Variants in RAB7A observed in about 807,000 individuals in gnomAD.
RAB7A encodes the protein RAB7A, member RAS oncogene family, also known as ras-related protein Rab-7a.
RAB7A carries 2 observed loss-of-function variants against 24.5 expected under a neutral mutation model. That is an observed-to-expected ratio of 0.08 (90% CI 0.03 to 0.26). RAB7A has a LOEUF of 0.26. Ranked by LOEUF, RAB7A falls within the 10% of genes least tolerant of loss-of-function variation. The pLI is 1.00. For synonymous variants in RAB7A, 100 were observed against 95.9 expected, an observed-to-expected ratio of 1.04 and a Z score of -0.25; for missense variants, 118 against 255.7, an observed-to-expected ratio of 0.46 and a Z score of 3.67.
chr3:128,763,208 A>ATATATATATATTTT (rs373993932), intron 1 of RAB7A, among the ~76,000 whole-genome samples: 11 of 76,054 alleles, frequency 1.4e-4, no homozygotes, highest in African/African-American at 8.2e-4. Flanking sequence ...ATATATATAT[A>ATATATATATATTTT]TTTTTTTTTT....
intron 1 of RAB7A, chr3:128,748,709 T>C (rs1029007510): frequency 2.6e-5 from 4 of 152,316 alleles, no homozygotes; most frequent in African/African-American, 9.6e-5. Context: ...CTGGTCGTTA[T>C]TGACTCATGG....
chr3:128,769,219 A>G (rs575108119), intron 1 of RAB7A, among the ~76,000 whole-genome samples: 2 of 151,982 alleles, frequency 1.3e-5, no homozygotes, highest in South Asian at 2.1e-4. Context: ...ACCCCAAAGT[A>G]TATATCTAAC....
chr3:128,811,520 T>C (rs528336485), intron 5 of RAB7A, among the ~76,000 whole-genome samples: 3 of 152,328 alleles, frequency 2.0e-5, no homozygotes, highest in South Asian at 2.1e-4. Flanking sequence ...AGGAAGCCAG[T>C]TGCAAAAAGA....
Position 128,813,424 on chromosome 3 carries a change from G to A in RAB7A, c.*2G>A. The stretch of plus-strand genomic sequence containing the variant: ...TCGGCAGAAAGCTGCAGTTGCTGAG[G>A]GGGCAGTGAGAGTTGAGCACAGAGT... On this transcript the variant is annotated 3_prime_UTR_variant, in exon 6 of 6. Coordinates refer to ENST00000265062, the MANE Select transcript of RAB7A (RefSeq NM_004637.6). 6.2e-7 allele frequency: 1 copy of A among 1,613,726 alleles called. No homozygotes were observed. The highest frequency in any genetic ancestry group is 8.5e-7 in the Non-Finnish European group (1 of 1,179,738).
At chr3:128,760,864 A>C (rs2070771343) in intron 1 of RAB7A, among the ~76,000 whole-genome samples, 1 of 152,244 alleles carries the variant, frequency 6.6e-6, no homozygotes, top group Non-Finnish European at 1.5e-5. Flanking sequence ...TAGCGACTTC[A>C]GTTAAGGTAT....
At chr3:128,774,087 A>G (rs1576288931) in intron 1 of RAB7A, among the ~76,000 whole-genome samples, 1 of 151,174 alleles carries the variant, frequency 6.6e-6, no homozygotes, top group Admixed American at 6.6e-5. Context: ...TTAAAAAAAA[A>G]AAAAAAAAGA....
chr3:128,798,235 T>C (rs889515703), intron 3 of RAB7A, 166 bp downstream of exon 3: 4 of 814,530 alleles, frequency 4.9e-6, no homozygotes, highest in Non-Finnish European at 7.7e-6. Flanking sequence ...CAATAGTGAA[T>C]ACTTTTTTAG....
intron 1 of RAB7A, among the ~76,000 whole-genome samples, chr3:128,748,026 C>G (rs2070636591): frequency 6.6e-6 from 1 of 152,182 alleles, no homozygotes; most frequent in African/African-American, 2.4e-5. Flanking sequence ...CCTCTGCCTC[C>G]CAAAGTGCTG....
chr3:128,740,278 G>A (rs2070537569), intron 1 of RAB7A, among the ~76,000 whole-genome samples: 1 of 152,066 alleles, frequency 6.6e-6, no homozygotes, highest in Non-Finnish European at 1.5e-5. Context: ...CTACTCTGGA[G>A]GCTGAGGCAG....
At chr3:128,777,957 G>C (rs1933132328) in intron 1 of RAB7A, among the ~76,000 whole-genome samples, 1 of 152,070 alleles carries the variant, frequency 6.6e-6, no homozygotes, top group Non-Finnish European at 1.5e-5. Context: ...CAAGTGATCT[G>C]CCCGCCTCGG....
intron 1 of RAB7A, among the ~76,000 whole-genome samples, chr3:128,731,116 C>T (rs1299049328): frequency 6.6e-6 from 1 of 152,138 alleles, no homozygotes; most frequent in Non-Finnish European, 1.5e-5. Context: ...ATCAGGAGTC[C>T]TTTAAAAGTT....
At chr3:128,802,379 A>T (rs1933718457) in intron 3 of RAB7A, among the ~76,000 whole-genome samples, 1 of 152,250 alleles carries the variant, frequency 6.6e-6, no homozygotes. Flanking sequence ...GTGGTAGTTT[A>T]AACAGTGATA....
intron 1 of RAB7A, among the ~76,000 whole-genome samples, chr3:128,731,947 G>A (rs753635214): frequency 1.3e-5 from 2 of 149,956 alleles, no homozygotes; most frequent in Non-Finnish European, 3.0e-5. Context: ...GGAGCTTGCA[G>A]TGAGCCGGGA....
intron 1 of RAB7A, among the ~76,000 whole-genome samples, chr3:128,754,861 TAAC>T (rs1377642948): frequency 6.6e-6 from 1 of 152,060 alleles, no homozygotes; most frequent in African/African-American, 2.4e-5. Context: ...AACACACTAA[TAAC>T]AGACCACTCA....
intron 3 of RAB7A, among the ~76,000 whole-genome samples, chr3:128,804,227 CTACACGCAA>C (rs1933757392): frequency 8.6e-5 from 13 of 151,928 alleles, no homozygotes; most frequent in Admixed American, 8.5e-4. Flanking sequence ...CCTGCTAGTG[CTACACGCAA>C]TTTCTGAAGA....
intron 1 of RAB7A, among the ~76,000 whole-genome samples, chr3:128,784,608 G>A (rs971408809): frequency 1.3e-5 from 2 of 152,170 alleles, no homozygotes; most frequent in Non-Finnish European, 2.9e-5. Flanking sequence ...TGTGTCCTGC[G>A]TGATCAGGCC....
At chr3:128,786,997 C>T (rs1933355537) in intron 1 of RAB7A, among the ~76,000 whole-genome samples, 1 of 152,154 alleles carries the variant, frequency 6.6e-6, no homozygotes. Flanking sequence ...TGGTATATAA[C>T]CTCAACCATT....
intron 1 of RAB7A, among the ~76,000 whole-genome samples, chr3:128,736,119 G>T (rs1466183331): frequency 6.6e-6 from 1 of 150,408 alleles, no homozygotes; most frequent in Non-Finnish European, 1.5e-5. Context: ...TTGTTACCTT[G>T]TTTAAACTTC....
At chr3:128,795,138 A>T in intron 1 of RAB7A, 1 of 586,846 alleles carries the variant, frequency 1.7e-6, no homozygotes, top group East Asian at 2.9e-5. Context: ...AACAGCTTGC[A>T]GGGGCAGGAT....
Sources: allele counts gnomAD v4.1 joint callset (sites outside exome capture counted in the v4.1 genomes callset), GRCh38; gene constraint gnomAD v4.1.1; transcripts MANE v1.5; gene names NCBI Gene and HGNC (gene_info 2026-07-23, HGNC 2026-07-21).